The following SIPA1L3 variants were observed in gnomAD, a reference collection of about 807,000 sequenced individuals.
SIPA1L3 encodes signal induced proliferation associated 1 like 3, also known as signal-induced proliferation-associated 1-like protein 3.
Under a neutral mutation model 150.1 loss-of-function variants are expected in SIPA1L3, and 59 were observed. That is an observed-to-expected ratio of 0.39 (90% confidence interval 0.32 to 0.49). SIPA1L3 has a LOEUF of 0.49. Ranked by LOEUF, SIPA1L3 falls within the 20% of genes least tolerant of loss-of-function variation. SIPA1L3 has a pLI of 0.86. For missense variants in SIPA1L3, 2,211 were observed against 2,489.5 expected (o/e 0.89, Z 2.38); for synonymous variants, 1,070 against 1,077.6 (o/e 0.99, Z 0.14).
chr19:38,110,208 CT>C lies in SIPA1L3; in HGVS notation c.2134-18del, dbSNP rs1159106358. On this transcript the variant is annotated intron_variant, in intron 7 of 21. Coordinates refer to ENST00000222345, the MANE Select transcript of SIPA1L3 (RefSeq NM_015073.3). Reference sequence around the variant, plus strand: ...CGACCTGTGACAGGTTCCTGTCCCCCTCTGTTGCCCTTTCCCAGCTGCTACG... The same window carrying C: ...CGACCTGTGACAGGTTCCTGTCCCCCCTGTTGCCCTTTCCCAGCTGCTACG... 2 of 1,612,746 alleles carry C rather than the reference CT, an allele frequency of 1.2e-6. No homozygotes were observed. The highest frequency in any genetic ancestry group is 2.7e-5 in the African/African-American group (2 of 74,880).
At chr19:37,979,244 A>G (rs1172244519) in intron 1 of SIPA1L3, among the ~76,000 whole-genome samples, 1 of 152,072 alleles carries the variant, frequency 6.6e-6, no homozygotes, top group Non-Finnish European at 1.5e-5. Context: ...CATGCCACGT[A>G]AACCTATATG....
chr19:38,039,416 G>A (rs1350633032), intron 2 of SIPA1L3, among the ~76,000 whole-genome samples: 1 of 151,240 alleles, frequency 6.6e-6, no homozygotes, highest in Non-Finnish European at 1.5e-5. Flanking sequence ...GGTGGGGGTC[G>A]GGCATGGTGG....
intron 14 of SIPA1L3, among the ~76,000 whole-genome samples, chr19:38,162,878 C>T (rs771126150): frequency 1.1e-4 from 16 of 152,158 alleles, no homozygotes; most frequent in Non-Finnish European, 1.8e-4. Flanking sequence ...TTTTTTAGCC[C>T]AGGCCTGGAA....
chr19:38,193,914 G>T, intron 18 of SIPA1L3, 134 bp downstream of exon 18: 1 of 1,065,464 alleles, frequency 9.4e-7, no homozygotes, highest in Non-Finnish European at 1.3e-6. Flanking sequence ...GAGGAATGGG[G>T]TTCACAGGAA....
At chr19:38,194,692 C>T (rs1431740255) in intron 18 of SIPA1L3, among the ~76,000 whole-genome samples, 2 of 152,296 alleles carry the variant, frequency 1.3e-5, no homozygotes, top group East Asian at 3.9e-4. Context: ...CTCTTGTGAG[C>T]TGTGGGGGAT....
At position 38,065,903 on chromosome 19, in the gene SIPA1L3, T is replaced by C. The variant is rs899378026; in HGVS notation, c.-310-15353T>C. Among the ~76,000 whole-genome samples, 95 of 99,308 alleles carry C rather than the reference T, an allele frequency of 9.6e-4. 2 individuals are homozygous for C. The highest frequency in any genetic ancestry group is 3.9e-3 in the African/African-American group (93 of 23,574). The allele number at this position is 99,308 out of a possible 152,430, so 65.1% of individuals were successfully genotyped here. ...TGCTCTGTTGCCCGGGTTTGATCTC[T>C]TATTTATTTATCTATTTATTTATTT... On this transcript the variant is annotated intron_variant, in intron 2 of 21. Transcript: ENST00000222345.
chr19:37,940,166 A>G (rs1247373860), intron 1 of SIPA1L3, among the ~76,000 whole-genome samples: 1 of 152,118 alleles, frequency 6.6e-6, no homozygotes, highest in African/African-American at 2.4e-5. Flanking sequence ...CTGTACTCCC[A>G]GCACTTTGGG....
intron 2 of SIPA1L3, among the ~76,000 whole-genome samples, chr19:38,080,966 T>C (rs912061505): frequency 5.5e-5 from 7 of 126,252 alleles, no homozygotes; most frequent in Admixed American, 5.2e-4. Flanking sequence ...CGAGACTCTG[T>C]CTCAAAAAAA....
At chr19:37,923,747 A>G (rs1599797526) in intron 1 of SIPA1L3, among the ~76,000 whole-genome samples, 1 of 151,010 alleles carries the variant, frequency 6.6e-6, no homozygotes, top group East Asian at 1.9e-4. Flanking sequence ...AAATTTCTTA[A>G]CTGTTTGGGT....
intron 1 of SIPA1L3, among the ~76,000 whole-genome samples, chr19:38,009,428 A>G (rs1968047197): frequency 6.6e-6 from 1 of 152,128 alleles, no homozygotes; most frequent in Admixed American, 6.5e-5. Flanking sequence ...GCTTAATCTT[A>G]TCAGAGTCCA....
In SIPA1L3 at chr19:38,082,860, A is replaced by G. The variant is rs769907886; in HGVS notation, c.1295A>G (p.Asn432Ser). 12 of 1,613,618 alleles carry G rather than the reference A, an allele frequency of 7.4e-6. No individual in the cohort carries two copies. Among genetic ancestry groups the G allele is most frequent in the Non-Finnish European group, 1.0e-5 (12 of 1,179,888 alleles). ...DLLLSCPHFR[N>S]EIGGECERNV... is the part of the protein sequence containing the mutation. ...CTGCTCAGCTGCCCGCACTTCCGCAATGAGATCGGGGGCGAGTGTGAGCGC... is the reference window on the plus strand; with the variant it reads ...CTGCTCAGCTGCCCGCACTTCCGCAGTGAGATCGGGGGCGAGTGTGAGCGC... Residue 432 changes from asparagine to serine, a missense_variant, in exon 3 of 22, where the codon AAT becomes AGT. Physicochemically the swap from Asn to Ser is conservative, Grantham distance 46 (BLOSUM62 1). Coordinates refer to ENST00000222345, the MANE Select transcript of SIPA1L3 (RefSeq NM_015073.3).
At chr19:37,990,488 C>T (rs1967476335) in intron 1 of SIPA1L3, among the ~76,000 whole-genome samples, 1 of 152,192 alleles carries the variant, frequency 6.6e-6, no homozygotes. Flanking sequence ...CCAGCTTTGA[C>T]TTCAGAGCGC....
At chr19:38,052,201 A>G (rs1969210292) in intron 2 of SIPA1L3, among the ~76,000 whole-genome samples, 1 of 152,214 alleles carries the variant, frequency 6.6e-6, no homozygotes, top group Non-Finnish European at 1.5e-5. Context: ...CTTGATTCTC[A>G]GATGCCCCTA....
chr19:37,927,407 C>T (rs1039780647), intron 1 of SIPA1L3, among the ~76,000 whole-genome samples: 19 of 152,162 alleles, frequency 1.2e-4, no homozygotes, highest in Non-Finnish European at 4.4e-5. Context: ...CCACCTTGGT[C>T]TCCCAAAGTG....
chr19:38,180,287 T>G (rs978567460), intron 15 of SIPA1L3, among the ~76,000 whole-genome samples: 1 of 152,200 alleles, frequency 6.6e-6, no homozygotes, highest in South Asian at 2.1e-4. Flanking sequence ...AGTTACATTT[T>G]ATTTCATTCT....
At chr19:38,096,776 C>T (rs1319050428) in intron 4 of SIPA1L3, among the ~76,000 whole-genome samples, 1 of 152,142 alleles carries the variant, frequency 6.6e-6, no homozygotes, top group Non-Finnish European at 1.5e-5. Context: ...TTGGTACAAC[C>T]ACTTGGAAAA....
At chr19:38,100,486 A>G (rs1359551422) in intron 5 of SIPA1L3, among the ~76,000 whole-genome samples, 4 of 152,068 alleles carry the variant, frequency 2.6e-5, no homozygotes, top group African/African-American at 9.7e-5. Context: ...CCTCTCCCAC[A>G]GCTCCCAGTC....
chr19:38,101,064 C>T lies in SIPA1L3; in HGVS notation c.1867C>T (p.His623Tyr). 6.4e-7 allele frequency: 1 copy of T among 1,566,058 alleles called. No individual in the cohort carries two copies. Among genetic ancestry groups the T allele is most frequent in the Non-Finnish European group, 8.7e-7 (1 of 1,155,814 alleles). ...CTTGCCTCTGCAGCTCTGCCGGAAG[C>T]ACAAGGTGGGCATCCTCTATTGCAA... ...KLDEQGLCRK[H>Y]KVGILYCKAG... Residue 623 changes from histidine (H) to tyrosine (Y), a missense_variant, in exon 6 of 22, where the codon CAC becomes TAC. By Grantham distance (83) the His-to-Tyr change is moderately conservative. Around this residue, in one of 5 missense-constraint regions of SIPA1L3, gnomAD observed 625 missense variants for 804.2 expected, o/e 0.78. Transcript: ENST00000222345.
intron 2 of SIPA1L3, among the ~76,000 whole-genome samples, chr19:38,034,074 T>C (rs2145726288): frequency 6.6e-6 from 1 of 152,238 alleles, no homozygotes; most frequent in South Asian, 2.1e-4. Context: ...TTTGATTCTC[T>C]TGATCTTTCC....
Sources: gnomAD v4.1 joint callset for allele counts (sites outside exome capture counted in the v4.1 genomes callset) on GRCh38, gnomAD v4.1.1 for gene constraint, gnomAD v4.1.1 regional missense constraint, MANE v1.5 for transcripts, NCBI Gene and HGNC (gene_info 2026-07-23, HGNC 2026-07-21) for gene names.